ARHGEF1: variants seen among roughly 807,000 people sequenced by gnomAD.
The protein encoded by ARHGEF1 is Rho guanine nucleotide exchange factor 1.
ARHGEF1 carries 40 observed loss-of-function variants against 119.7 expected under a neutral mutation model. The ratio of observed to expected loss-of-function variants is 0.33; its 90% CI spans 0.26 to 0.44. The LOEUF is 0.44. Among genes scored for constraint, ARHGEF1 ranks in the 20% least tolerant of loss-of-function variants. The pLI is 1.00. For missense variants in ARHGEF1, 976 were observed against 1,268.3 expected (o/e 0.77, Z 3.50); for synonymous variants, 494 against 521.0 (o/e 0.95, Z 0.71).
intron 18 of ARHGEF1, among the ~76,000 whole-genome samples, chr19:41,915,326 C>T (rs985530694): frequency 6.6e-6 from 1 of 151,612 alleles, no homozygotes; most frequent in East Asian, 2.0e-4. Flanking sequence ...CTGTGCCCAG[C>T]CTTCGTCCTG....
chr19:41,913,666 C>G (rs975942458), intron 18 of ARHGEF1, among the ~76,000 whole-genome samples: 2 of 151,694 alleles, frequency 1.3e-5, no homozygotes, highest in East Asian at 1.9e-4. Context: ...ACCCCTTCCC[C>G]TCACATCTGC....
intron 1 of ARHGEF1, among the ~76,000 whole-genome samples, chr19:41,926,491 C>T (rs568554074): frequency 1.1e-3 from 172 of 152,208 alleles, no homozygotes; most frequent in African/African-American, 3.4e-3. Flanking sequence ...TGCAGTGTGA[C>T]TCTGCCAGAT....
downstream of ARHGEF1, chr19:41,907,669 C>A (rs1599669284): frequency 1.2e-5 from 5 of 418,332 alleles, no homozygotes; most frequent in East Asian, 2.3e-4. Context: ...AGCTCCCACC[C>A]CCGATCCCCC....
At chr19:41,909,357 A>G, downstream of ARHGEF1, 5 of 1,235,732 alleles carry the variant, frequency 4.0e-6, no homozygotes, top group Non-Finnish European at 2.0e-6. The surrounding 1 kb of genome is among the most constrained non-coding windows in gnomAD (Gnocchi z 5.2). Context: ...AGCCAGTGGC[A>G]GCTGCCGCCA....
At chr19:41,915,293 G>A (rs780928874) in intron 18 of ARHGEF1, among the ~76,000 whole-genome samples, 15 of 151,434 alleles carry the variant, frequency 9.9e-5, no homozygotes, top group South Asian at 2.1e-4. Context: ...TGTCTCACAC[G>A]CGTCTCTGCC....
chr19:41,916,721 G>T lies in ARHGEF1; in HGVS notation c.1866-6371G>T, dbSNP rs903076928. On this transcript the variant is annotated intron_variant, in intron 18 of 20. Coordinates refer to the ARHGEF1 transcript ENST00000599589. This position sits in a 1 kb window ranked among gnomAD's most constrained non-coding sequence, Gnocchi z 5.4. ...TATGCACTTGGTCACGCATGGAGCC[G>T]TAGAGATACACACACCAGCACCAAC... Among the ~76,000 whole-genome samples the T allele has an allele frequency of 6.6e-6, 1 of 151,548 alleles. No homozygotes were observed. Among genetic ancestry groups the T allele is most frequent in the Non-Finnish European group, 1.5e-5 (1 of 67,894 alleles).
chr19:41,906,038 T>C lies in ARHGEF1; in HGVS notation c.2491+13T>C. 1.2e-6 allele frequency: 2 copies of C among 1,613,122 alleles called. No individual in the cohort carries two copies. The highest frequency in any genetic ancestry group is 4.5e-5 in the East Asian group (2 of 44,870). On this transcript the variant is annotated intron_variant, in intron 26 of 28. Coordinates refer to ENST00000354532, the MANE Select transcript of ARHGEF1 (RefSeq NM_004706.4). This position sits in a 1 kb window ranked among gnomAD's most constrained non-coding sequence, Gnocchi z 4.5. ...GCCCTTCGGAAAGGTAGCCCAGCTC[T>C]GCCCCTCCAGGGTGGCCACCAGCCC...
rs782628690 is a variant in ARHGEF1 at position 41,906,843 on chromosome 19, G to C, written c.*17+40G>C. ...TGGGGGCCAGGGCGCTGTCCTGAAAGGAGGGTCCCCCTCCAGAGCTCGCAT... is the reference window on the plus strand; with the variant it reads ...TGGGGGCCAGGGCGCTGTCCTGAAACGAGGGTCCCCCTCCAGAGCTCGCAT... On this transcript the variant is annotated intron_variant, in intron 28 of 28. Transcript: ENST00000354532. This position sits in a 1 kb window ranked among gnomAD's most constrained non-coding sequence, Gnocchi z 4.5. The C allele has an allele frequency of 1.0e-5, 15 of 1,504,316 alleles. No individual in the cohort carries two copies. The Admixed American group carries it at 1.2e-4, about 12-fold the overall frequency. 93.2% of individuals were successfully genotyped at this position (1,504,316 alleles called of 1,614,324 possible). A position where few individuals can be genotyped will look rare whatever the true frequency, so the allele number is the denominator to read the frequency against.
At chr19:41,898,739 G>A (rs2074552926) in intron 14 of ARHGEF1, 152 bp downstream of exon 14, 2 of 1,098,468 alleles carry the variant, frequency 1.8e-6, no homozygotes, top group South Asian at 3.3e-5. Flanking sequence ...TCCAAGTTCA[G>A]ATTGTTTCAA....
At chr19:41,926,590 C>G (rs1186356039) in intron 1 of ARHGEF1, among the ~76,000 whole-genome samples, 1 of 152,124 alleles carries the variant, frequency 6.6e-6, no homozygotes, top group Non-Finnish European at 1.5e-5. Flanking sequence ...TGGCTCTGGC[C>G]CTGGGTGGGG....
intron 1 of ARHGEF1, among the ~76,000 whole-genome samples, chr19:41,925,174 C>A (rs1000568600): frequency 6.6e-6 from 1 of 151,984 alleles, no homozygotes; most frequent in Non-Finnish European, 1.5e-5. Context: ...GTCGAAGCCT[C>A]GGTATCTGTT....
In ARHGEF1 at chr19:41,904,187, A is replaced by G; in HGVS notation, c.1994-29A>G. 6.2e-7 allele frequency: 1 copy of G among 1,612,576 alleles called. No homozygotes were observed. The highest frequency in any genetic ancestry group is 8.5e-7 in the Non-Finnish European group (1 of 1,178,866). On this transcript the variant is annotated intron_variant, in intron 21 of 28. Transcript: ENST00000354532. The surrounding 1 kb of genome is among the most constrained non-coding windows in gnomAD (Gnocchi z 8.4). ...GGCGGGGAGGGGGTCGCGCGGGGGCACGCCGTGTGAGCACTGCTCGCCCCG... is the reference window on the plus strand; with the variant it reads ...GGCGGGGAGGGGGTCGCGCGGGGGCGCGCCGTGTGAGCACTGCTCGCCCCG...
At chr19:41,898,624 A>AC (rs1568819409) in intron 14 of ARHGEF1, 37 bp downstream of exon 14, 1 of 1,568,968 alleles carries the variant, frequency 6.4e-7, no homozygotes, top group African/African-American at 1.4e-5. Flanking sequence ...GTGGCCAAGG[A>AC]CACAGTCCAG....
At position 41,903,347 on chromosome 19, in the gene ARHGEF1, G is replaced by A; in HGVS notation, c.1779G>A (p.Glu593=). The A allele has an allele frequency of 6.2e-7, 1 of 1,613,932 alleles. No homozygotes were observed. Among genetic ancestry groups the A allele is most frequent in the Non-Finnish European group, 8.5e-7 (1 of 1,180,034 alleles). ...GGGAGAAAGTGGAGCTGGCAGCCGA[G>A]TGCTGCCGGGAAATTCTACACCACG... ...TEREKVELAA[E]CCREILHHVN... Residue 593 remains glutamate (E), a synonymous_variant, in exon 19 of 29, where the codon GAG becomes GAA. Transcript: ENST00000354532. The surrounding 1 kb of genome is among the most constrained non-coding windows in gnomAD (Gnocchi z 4.2).
At position 41,917,009 on chromosome 19, in the gene ARHGEF1, GGTGT is replaced by G. The variant is rs782321934; in HGVS notation, c.1866-6069_1866-6066del. ...AACTTCCCAAGCATGTCTCTGCATG[GGTGT>G]GTGTGTGTGTGTGCACATATGTGAC... On this transcript the variant is annotated intron_variant, in intron 18 of 20. Transcript: ENST00000599589. The surrounding 1 kb of genome is among the most constrained non-coding windows in gnomAD (Gnocchi z 4.8). 6.1e-5 allele frequency among the ~76,000 whole-genome samples: 8 copies of G among 132,120 alleles called. No individual in the cohort carries two copies. The highest frequency in any genetic ancestry group is 4.1e-4 in the Admixed American group (6 of 14,752). 86.7% of individuals were successfully genotyped at this position (132,120 alleles called of 152,430 possible).
downstream of ARHGEF1, chr19:41,910,134 A>C (rs981183049): frequency 2.0e-4 from 320 of 1,585,326 alleles, no homozygotes; most frequent in Non-Finnish European, 2.5e-4. This position sits in a 1 kb window ranked among gnomAD's most constrained non-coding sequence, Gnocchi z 4.4. Context: ...TGGGGTCAGG[A>C]TGCCAAGTCC....
chr19:41,927,142 A>C (rs1555853336), intron 1 of ARHGEF1, among the ~76,000 whole-genome samples: 1 of 152,172 alleles, frequency 6.6e-6, no homozygotes, highest in Non-Finnish European at 1.5e-5. Context: ...AGAGGTGGAC[A>C]CAGAGATGCT....
chr19:41,902,881 G>A lies in ARHGEF1; in HGVS notation c.1721G>A (p.Ser574Asn). 1 of 1,610,884 alleles carries A rather than the reference G, an allele frequency of 6.2e-7. No individual in the cohort carries two copies. Among genetic ancestry groups the A allele is most frequent in the South Asian group, 1.1e-5 (1 of 91,046 alleles). The change falls in exon 18 of 29, where the codon AGC becomes AAC. Residue 574 changes from serine to asparagine, a missense_variant. Ser to Asn is a conservative substitution (Grantham distance 46, BLOSUM62 1). This residue lies in a region of ARHGEF1 where 286 missense variants were observed against 506.8 expected (regional missense o/e 0.56). Coordinates refer to ENST00000354532, the MANE Select transcript of ARHGEF1 (RefSeq NM_004706.4). The surrounding 1 kb of genome is among the most constrained non-coding windows in gnomAD (Gnocchi z 6.5). ...RLTKYPLLLQ[S>N]IGQNTEEPTE... ...ACCAAGTACCCCCTGCTCCTGCAGA[G>A]CATCGGGCAGAACACAGGTACCGCG...
chr19:41,884,360 G>A lies in ARHGEF1; in HGVS notation c.-20+1071G>A. 3.4e-6 allele frequency: 5 copies of A among 1,477,558 alleles called. No homozygotes were observed. The South Asian group carries it at 6.0e-5, about 18-fold the overall frequency. 91.5% of individuals were successfully genotyped at this position (1,477,558 alleles called of 1,614,324 possible). On this transcript the variant is annotated intron_variant, in intron 1 of 28. Coordinates refer to ENST00000354532, the MANE Select transcript of ARHGEF1 (RefSeq NM_004706.4). Reference sequence around the variant, plus strand: ...GCCGGGCTAGAGCGGCTGGCAGGAGGAGTGGAGCTGGGCGCAAAGGTGGAC... The same window carrying A: ...GCCGGGCTAGAGCGGCTGGCAGGAGAAGTGGAGCTGGGCGCAAAGGTGGAC...
Sources: allele counts gnomAD v4.1 joint callset (sites outside exome capture counted in the v4.1 genomes callset), GRCh38; gene constraint gnomAD v4.1.1; regional missense constraint gnomAD v4.1.1; non-coding constraint Gnocchi (gnomAD v3.1); transcripts MANE v1.5; gene names NCBI Gene and HGNC (gene_info 2026-07-23, HGNC 2026-07-21).